Variants in TGFBR3 observed in about 807,000 individuals in gnomAD.
TGFBR3 encodes transforming growth factor beta receptor type 3.
In TGFBR3, 46 loss-of-function variants were observed where a neutral mutation model predicts 87.9. The observed-to-expected ratio is 0.52, with a 90% CI of 0.41 to 0.67. The LOEUF is 0.67. Ranked by LOEUF, TGFBR3 falls within the 30% of genes least tolerant of loss-of-function variation. TGFBR3 has a pLI of 0.00. For synonymous variants in TGFBR3, 381 were observed against 391.6 expected, an observed-to-expected ratio of 0.97 and a Z score of 0.32; for missense variants, 866 against 1,041.9, an observed-to-expected ratio of 0.83 and a Z score of 2.32.
chr1:91,799,199 CA>C (rs1278893743), intron 2 of TGFBR3, among the ~76,000 whole-genome samples: 4 of 152,190 alleles, frequency 2.6e-5, no homozygotes, highest in Non-Finnish European at 5.9e-5. Flanking sequence ...CCTGGTGGGC[CA>C]AGTCTATTTC....
intron 3 of TGFBR3, among the ~76,000 whole-genome samples, chr1:91,761,312 T>C (rs1464718866): frequency 3.9e-5 from 6 of 152,218 alleles, no homozygotes; most frequent in Non-Finnish European, 7.3e-5. Flanking sequence ...TGCTGAGGCC[T>C]GGCTCATACA....
chr1:91,887,998 A>G (rs1679370589), upstream of TGFBR3, among the ~76,000 whole-genome samples: 1 of 152,200 alleles, frequency 6.6e-6, no homozygotes, highest in African/African-American at 2.4e-5. Context: ...CCCAAATCTC[A>G]TCTCGAATTG....
intron 1 of TGFBR3, among the ~76,000 whole-genome samples, chr1:91,879,046 A>G (rs1010490636): frequency 6.6e-6 from 1 of 152,138 alleles, no homozygotes; most frequent in African/African-American, 2.4e-5. Context: ...AGGGGGAAAG[A>G]TCACTTGAGG....
chr1:91,684,571 C>A (rs1671026937), intron 16 of TGFBR3, among the ~76,000 whole-genome samples: 1 of 152,190 alleles, frequency 6.6e-6, no homozygotes, highest in Non-Finnish European at 1.5e-5. Context: ...CTTTAAGCAT[C>A]CCACTTTTCA....
intron 3 of TGFBR3, among the ~76,000 whole-genome samples, chr1:91,790,310 T>C (rs1344244616): frequency 6.6e-6 from 1 of 152,218 alleles, no homozygotes; most frequent in Non-Finnish European, 1.5e-5. Flanking sequence ...TGTGCACATT[T>C]GTAGCCTAGT....
intron 4 of TGFBR3, among the ~76,000 whole-genome samples, chr1:91,739,531 G>A (rs1216370691): frequency 6.6e-6 from 1 of 152,140 alleles, no homozygotes; most frequent in Admixed American, 6.5e-5. Context: ...CTGAGAGGTT[G>A]ACCAAGACAA....
Position 91,856,881 on chromosome 1 carries a change from T to C in TGFBR3, c.61+4590A>G, listed in dbSNP as rs191027884. On this transcript the variant is annotated intron_variant, in intron 2 of 16. Coordinates refer to ENST00000212355, the MANE Select transcript of TGFBR3 (RefSeq NM_003243.5). The stretch of plus-strand genomic sequence containing the variant: ...AGGGTCTCCTCCCTAGAGAAGGATC[T>C]AGTGGTTGATGGGCTGGATTCTAGA... 7.4e-4 allele frequency among the ~76,000 whole-genome samples: 113 copies of C among 152,324 alleles called. 1 individual carries two copies. The highest frequency in any genetic ancestry group is 2.6e-3 in the African/African-American group (108 of 41,562).
At chr1:91,707,222 A>AT in intron 14 of TGFBR3, among the ~76,000 whole-genome samples, 1 of 152,332 alleles carries the variant, frequency 6.6e-6, no homozygotes, top group South Asian at 2.1e-4. Flanking sequence ...CAGTTAGCAG[A>AT]GAAAGCTAAA....
chr1:91,739,251 T>G (rs566846406), intron 4 of TGFBR3, among the ~76,000 whole-genome samples: 1 of 152,234 alleles, frequency 6.6e-6, no homozygotes, highest in South Asian at 2.1e-4. Flanking sequence ...ATTAGTAGAC[T>G]TCCGGAATAA....
At chr1:91,798,695 C>T (rs1011831379) in intron 2 of TGFBR3, among the ~76,000 whole-genome samples, 3 of 152,182 alleles carry the variant, frequency 2.0e-5, no homozygotes, top group African/African-American at 7.2e-5. Context: ...GCTGTGGGTA[C>T]TCATCTTTGT....
At chr1:91,772,566 T>G (rs1181856117) in intron 3 of TGFBR3, among the ~76,000 whole-genome samples, 1 of 152,214 alleles carries the variant, frequency 6.6e-6, no homozygotes, top group Non-Finnish European at 1.5e-5. Flanking sequence ...GCTAGGAGCC[T>G]TGAGCATTTC....
At chr1:91,807,143 G>A (rs185156218) in intron 2 of TGFBR3, among the ~76,000 whole-genome samples, 241 of 152,296 alleles carry the variant, frequency 1.6e-3, no homozygotes, top group African/African-American at 5.7e-3. Context: ...CAGCGCCTTG[G>A]GGATGGAGCG....
chr1:91,842,107 A>AAAAG (rs1203371057), intron 2 of TGFBR3, among the ~76,000 whole-genome samples: 4 of 152,080 alleles, frequency 2.6e-5, no homozygotes, highest in Non-Finnish European at 5.9e-5. Flanking sequence ...GCCAAAAAAA[A>AAAAG]AAAGAAAGAA....
At chr1:91,850,080 CAA>C (rs376631972) in intron 2 of TGFBR3, among the ~76,000 whole-genome samples, 10,127 of 50,652 alleles carry the variant, frequency 0.2, 316 homozygotes, top group East Asian at 0.47. Context: ...GACTCCATCT[CAA>C]AAAAAAAAAA....
At position 91,681,677 on chromosome 1, in the gene TGFBR3, CTTAAAT is replaced by C. The variant is rs1462980803; in HGVS notation, c.*2056_*2061del. 1.8e-5 allele frequency: 8 copies of C among 442,484 alleles called. No homozygotes were observed. The East Asian group carries it at 5.6e-4, about 31-fold the overall frequency. The allele number at this position is 442,484 out of a possible 1,614,324, so 27.4% of individuals were successfully genotyped here. A position where few individuals can be genotyped will look rare whatever the true frequency, so the allele number is the denominator to read the frequency against. ...AAATTAAACATTTCATATGGAGTAA[CTTAAAT>C]TTATCTAAAACACTTAAATATATCT... On this transcript the variant is annotated 3_prime_UTR_variant, in exon 17 of 17. Coordinates refer to ENST00000212355, the MANE Select transcript of TGFBR3 (RefSeq NM_003243.5).
intron 2 of TGFBR3, among the ~76,000 whole-genome samples, chr1:91,826,281 C>T (rs1167941421): frequency 6.6e-6 from 1 of 152,134 alleles, no homozygotes; most frequent in Non-Finnish European, 1.5e-5. Context: ...GGGCCATGAT[C>T]GCCTCTTCAT....
chr1:91,872,245 A>G (rs1678609441), intron 1 of TGFBR3, among the ~76,000 whole-genome samples: 1 of 152,188 alleles, frequency 6.6e-6, no homozygotes, highest in Non-Finnish European at 1.5e-5. Flanking sequence ...TTCATTCCAC[A>G]TAATCCCTAC....
rs116256556 is a variant in TGFBR3 at position 91,760,729 on chromosome 1, A to T, written c.247-1979T>A. Among the ~76,000 whole-genome samples, 323 of 152,362 alleles carry T rather than the reference A, an allele frequency of 2.1e-3. 1 individual carries two copies. Among genetic ancestry groups the T allele is most frequent in the African/African-American group, 7.5e-3 (313 of 41,582 alleles). ...GAACAGTGATGTCAAGTACAGCTAC[A>T]GCAAAGTAATGTGCTCCTTGGTTGT... is the stretch of plus-strand genomic sequence containing the variant. On this transcript the variant is annotated intron_variant, in intron 3 of 16. Transcript: ENST00000212355.
chr1:91,729,731 C>A, intron 6 of TGFBR3, 74 bp downstream of exon 6: 1 of 1,568,996 alleles, frequency 6.4e-7, no homozygotes, highest in Non-Finnish European at 8.8e-7. Flanking sequence ...ACGGGCTACA[C>A]CTCTCCCTGC....
Sources: allele counts gnomAD v4.1 joint callset (sites outside exome capture counted in the v4.1 genomes callset), GRCh38; gene constraint gnomAD v4.1.1; transcripts MANE v1.5; gene names NCBI Gene and HGNC (gene_info 2026-07-23, HGNC 2026-07-21).